Variants in PLXNA4 observed in about 807,000 individuals in gnomAD.
PLXNA4 encodes plexin-A4.
Under a neutral mutation model 191.8 loss-of-function variants are expected in PLXNA4, and 44 were observed. That is an observed-to-expected ratio of 0.23 (90% CI 0.18 to 0.29). The LOEUF (loss-of-function observed/expected upper bound fraction) is 0.29, where lower values mean the gene tolerates loss of function less well. Ranked by LOEUF, PLXNA4 falls within the 10% of genes least tolerant of loss-of-function variation. The pLI is 1.00. For missense variants in PLXNA4, 1,800 were observed against 2,488.8 expected (o/e 0.72, Z 5.89); for synonymous variants, 1,082 against 1,009.5 (o/e 1.07, Z -1.36).
intron 3 of PLXNA4, chr7:132,367,925 C>T (rs1804256698): frequency 6.6e-6 from 1 of 152,172 alleles, no homozygotes; most frequent in African/African-American, 2.4e-5. Context: ...CCCAGGTTCC[C>T]CCAGGTGCCA....
chr7:132,477,349 A>G (rs1252216183), intron 3 of PLXNA4, among the ~76,000 whole-genome samples: 2 of 152,166 alleles, frequency 1.3e-5, no homozygotes, highest in South Asian at 2.1e-4. Flanking sequence ...GCCACCACCA[A>G]GCAGTAGCTT....
At chr7:132,317,702 G>A (rs943353915) in intron 3 of PLXNA4, among the ~76,000 whole-genome samples, 4 of 152,168 alleles carry the variant, frequency 2.6e-5, no homozygotes, top group African/African-American at 9.7e-5. Flanking sequence ...GCCTATCCTT[G>A]CAAAGCTACC....
chr7:132,591,946 C>T (rs1585391075), intron 2 of PLXNA4, among the ~76,000 whole-genome samples: 1 of 152,198 alleles, frequency 6.6e-6, no homozygotes, highest in Admixed American at 6.5e-5. Flanking sequence ...CCCCCAGCAT[C>T]TTCTCCTCTT....
At chr7:132,332,651 C>A (rs1055335656) in intron 3 of PLXNA4, among the ~76,000 whole-genome samples, 1 of 151,738 alleles carries the variant, frequency 6.6e-6, no homozygotes. Flanking sequence ...CAGTTCAAGA[C>A]CAGCCTGGGC....
chr7:132,339,508 C>A (rs1802943334), intron 3 of PLXNA4, among the ~76,000 whole-genome samples: 1 of 152,194 alleles, frequency 6.6e-6, no homozygotes, highest in Admixed American at 6.5e-5. Flanking sequence ...AGATTCCTTC[C>A]ATTTCTCCTT....
chr7:132,277,052 T>C (rs1269968235), intron 4 of PLXNA4, among the ~76,000 whole-genome samples: 1 of 152,192 alleles, frequency 6.6e-6, no homozygotes, highest in Non-Finnish European at 1.5e-5. Context: ...ATGGTGGGAT[T>C]GAGAAGATAT....
chr7:132,257,633 C>T (rs886919428), intron 4 of PLXNA4, among the ~76,000 whole-genome samples: 3 of 152,172 alleles, frequency 2.0e-5, no homozygotes, highest in Admixed American at 1.3e-4. Flanking sequence ...GGTCTGGGGA[C>T]ACAGAGCAGC....
At chr7:132,529,160 C>T (rs1318572154) in intron 1 of PLXNA4, among the ~76,000 whole-genome samples, 1 of 152,208 alleles carries the variant, frequency 6.6e-6, no homozygotes, top group Non-Finnish European at 1.5e-5. Flanking sequence ...ATAATAACCC[C>T]ACCCTGGAAG....
At chr7:132,409,670 C>G (rs566516429) in intron 3 of PLXNA4, among the ~76,000 whole-genome samples, 2 of 152,204 alleles carry the variant, frequency 1.3e-5, no homozygotes, top group Non-Finnish European at 2.9e-5. Flanking sequence ...TATCTCTCCC[C>G]TGGACTTTGG....
chr7:132,635,199 T>C (rs975551144), intron 2 of PLXNA4, among the ~76,000 whole-genome samples: 1 of 141,436 alleles, frequency 7.1e-6, no homozygotes, highest in Admixed American at 7.3e-5. Flanking sequence ...TATATATATA[T>C]ATACGTATCC....
At chr7:132,314,885 T>C (rs1801885336) in intron 3 of PLXNA4, among the ~76,000 whole-genome samples, 2 of 152,350 alleles carry the variant, frequency 1.3e-5, no homozygotes, top group Admixed American at 1.3e-4. Flanking sequence ...AACAAAATTG[T>C]CTTGCGTCAC....
intron 1 of PLXNA4, among the ~76,000 whole-genome samples, chr7:132,548,636 A>G (rs1055260427): frequency 6.6e-6 from 1 of 152,204 alleles, no homozygotes; most frequent in Admixed American, 6.5e-5. Context: ...TTAATCTGTT[A>G]TTTCCTAGTT....
Position 132,126,489 on chromosome 7 carries a change from G to C in PLXNA4, c.*3990C>G, listed in dbSNP as rs1794771569. 6.5e-6 allele frequency: 1 copy of C among 152,830 alleles called. No individual in the cohort carries two copies. The highest frequency in any genetic ancestry group is 2.4e-5 in the African/African-American group (1 of 41,458). 9.5% of individuals were successfully genotyped at this position (152,830 alleles called of 1,614,324 possible). A position where few individuals can be genotyped will look rare whatever the true frequency, so the allele number is the denominator to read the frequency against. ...GCAGGAGGAGCACAGGCAGAAGCCAGACATGCAACGGGAGACACGGTACCA... is the reference window on the plus strand; with the variant it reads ...GCAGGAGGAGCACAGGCAGAAGCCACACATGCAACGGGAGACACGGTACCA... On this transcript the variant is annotated 3_prime_UTR_variant, in exon 32 of 32. Coordinates refer to ENST00000321063, the MANE Select transcript of PLXNA4 (RefSeq NM_020911.2).
chr7:132,484,740 T>C, intron 3 of PLXNA4: 1 of 1,584,760 alleles, frequency 6.3e-7, no homozygotes, highest in Non-Finnish European at 8.6e-7. Flanking sequence ...TCCTGACACT[T>C]CCATCCATCT....
At chr7:132,514,300 C>G (rs1448201165) in intron 1 of PLXNA4, among the ~76,000 whole-genome samples, 1 of 152,082 alleles carries the variant, frequency 6.6e-6, no homozygotes, top group East Asian at 1.9e-4. Flanking sequence ...ATCCGCCCGC[C>G]TCGGCCTCCC....
At position 132,647,413 on chromosome 7, in the gene PLXNA4, A is replaced by T. The variant is rs572111131; in HGVS notation, c.-203+1101T>A. ...TATACACTCTCAAGCACACACTGTC[A>T]TACAATCACACTATCATACACATAT... On this transcript the variant is annotated intron_variant, in intron 1 of 4. Transcript: ENST00000378539. Among the ~76,000 whole-genome samples, 6 of 152,214 alleles carry T rather than the reference A, an allele frequency of 3.9e-5. No individual in the cohort carries two copies. The South Asian group carries it at 1.2e-3, about 32-fold the overall frequency.
chr7:132,420,597 A>G (rs566995344), intron 3 of PLXNA4, among the ~76,000 whole-genome samples: 5 of 152,326 alleles, frequency 3.3e-5, no homozygotes, highest in East Asian at 1.9e-4. Context: ...TCAAATTTAC[A>G]TTTTAACAAT....
intron 2 of PLXNA4, among the ~76,000 whole-genome samples, chr7:132,598,351 C>T (rs1044946801): frequency 6.6e-5 from 10 of 152,054 alleles, no homozygotes; most frequent in African/African-American, 9.7e-5. Flanking sequence ...ACTCATGATT[C>T]GCCAGCCTCG....
chr7:132,182,434 A>AC (rs1796739923), intron 16 of PLXNA4, among the ~76,000 whole-genome samples: 1 of 151,768 alleles, frequency 6.6e-6, no homozygotes, highest in Non-Finnish European at 1.5e-5. Context: ...TGGAGTATGG[A>AC]CCCCCGTGGA....
Sources: gnomAD v4.1 joint callset for allele counts (sites outside exome capture counted in the v4.1 genomes callset) on GRCh38, gnomAD v4.1.1 for gene constraint, MANE v1.5 for transcripts, NCBI Gene and HGNC (gene_info 2026-07-23, HGNC 2026-07-21) for gene names.